The following MICU3 variants were observed in gnomAD, a reference collection of about 807,000 sequenced individuals.
The protein encoded by MICU3 is calcium uptake protein 3, mitochondrial.
In MICU3, 62 loss-of-function variants were observed where a neutral mutation model predicts 66.5. The observed-to-expected ratio is 0.93, with a 90% CI of 0.76 to 1.15. The LOEUF (loss-of-function observed/expected upper bound fraction) is 1.15, where lower values mean the gene tolerates loss of function less well. MICU3 is among the 50% of genes most tolerant of loss of function. The pLI is 0.00. For missense variants in MICU3, 779 were observed against 664.4 expected (o/e 1.17, Z -1.90); for synonymous variants, 308 against 240.7 (o/e 1.28, Z -2.59).
the MICU3 span, chr8:17,132,839 T>A: frequency 6.6e-6 from 1 of 152,190 alleles, no homozygotes; most frequent in Non-Finnish European, 1.5e-5. Flanking sequence ...TATGTTGAAA[T>A]CTAATCACAA....
chr8:17,114,040 T>TAG, intron 11 of MICU3, 53 bp from the exon 12 acceptor site: 1 of 1,180,006 alleles, frequency 8.5e-7, no homozygotes, highest in Non-Finnish European at 1.2e-6. Flanking sequence ...TAGATCCTGA[T>TAG]TTTAATAAAT....
chr8:17,116,682 A>G (rs1010721322), intron 13 of MICU3, 82 bp downstream of exon 13: 3 of 1,052,596 alleles, frequency 2.9e-6, no homozygotes, highest in African/African-American at 1.7e-5. Flanking sequence ...GAAATAATTT[A>G]TCTTAATTTC....
At chr8:17,097,979 A>T (rs1800893987) in intron 8 of MICU3, among the ~76,000 whole-genome samples, 1 of 151,770 alleles carries the variant, frequency 6.6e-6, no homozygotes, top group African/African-American at 2.4e-5. Flanking sequence ...TTTGGGATGA[A>T]TTTAAACTTT....
chr8:17,067,636 A>C (rs1245085401), intron 2 of MICU3, among the ~76,000 whole-genome samples: 1 of 151,914 alleles, frequency 6.6e-6, no homozygotes, highest in Non-Finnish European at 1.5e-5. Flanking sequence ...ACCATGGTTT[A>C]ACCATATTGG....
At chr8:17,103,708 A>C (rs1447381078) in intron 9 of MICU3, among the ~76,000 whole-genome samples, 1 of 151,872 alleles carries the variant, frequency 6.6e-6, no homozygotes. Flanking sequence ...TTAAGAAAAT[A>C]CTTAGAACTT....
chr8:17,070,867 T>C (rs972130793), intron 3 of MICU3, among the ~76,000 whole-genome samples: 4 of 152,078 alleles, frequency 2.6e-5, no homozygotes, highest in Non-Finnish European at 5.9e-5. Context: ...ATATGTACTA[T>C]GTTTTTTCAG....
intron 5 of MICU3, among the ~76,000 whole-genome samples, chr8:17,085,012 T>G (rs1799318392): frequency 6.6e-6 from 1 of 152,088 alleles, no homozygotes; most frequent in African/African-American, 2.4e-5. Flanking sequence ...GTATTCAAAT[T>G]TTTCTCTCAG....
At position 17,118,574 on chromosome 8, in the gene MICU3, C is replaced by G. The variant is rs187155108; in HGVS notation, c.1525-133C>G. On this transcript the variant is annotated intron_variant, in intron 13 of 14. Coordinates refer to ENST00000318063, the MANE Select transcript of MICU3 (RefSeq NM_181723.3). ...CCCCCTTTCCTCCCCAGTCCCCCAG[C>G]CTTCCAGCCTCTGGTAATTAACATT... 3.4e-5 allele frequency: 17 copies of G among 503,084 alleles called. No homozygotes were observed. The Admixed American group carries it at 4.6e-4, about 14-fold the overall frequency. The allele number at this position is 503,084 out of a possible 1,614,324, so 31.2% of individuals were successfully genotyped here. A position where few individuals can be genotyped will look rare whatever the true frequency, so the allele number is the denominator to read the frequency against.
chr8:17,100,999 A>G (rs1801208061), intron 9 of MICU3, among the ~76,000 whole-genome samples: 1 of 151,840 alleles, frequency 6.6e-6, no homozygotes, highest in Non-Finnish European at 1.5e-5. Flanking sequence ...TCATTAACAA[A>G]ATCAAAAGTT....
chr8:17,046,044 T>C (rs545734720), intron 1 of MICU3, among the ~76,000 whole-genome samples: 1 of 152,324 alleles, frequency 6.6e-6, no homozygotes, highest in East Asian at 1.9e-4. Flanking sequence ...GTGTCCTTTA[T>C]AATAAGCCGA....
intron 4 of MICU3, among the ~76,000 whole-genome samples, chr8:17,081,319 C>G (rs1373028637): frequency 6.6e-6 from 1 of 152,058 alleles, no homozygotes; most frequent in East Asian, 1.9e-4. Flanking sequence ...TTAACTATTT[C>G]CAACCTTTTT....
chr8:17,128,175 T>C, the MICU3 span, among the ~76,000 whole-genome samples: 5 of 151,496 alleles, frequency 3.3e-5, no homozygotes, highest in Non-Finnish European at 5.9e-5. Context: ...GAATGGGCCC[T>C]CCTCTTCTGA....
chr8:17,057,388 C>T (rs1263042165), intron 1 of MICU3, among the ~76,000 whole-genome samples: 1 of 152,196 alleles, frequency 6.6e-6, no homozygotes, highest in East Asian at 1.9e-4. Context: ...TGATCTCTGG[C>T]CTGAGAGTAT....
chr8:17,074,725 A>C lies in MICU3; in HGVS notation c.568-3058A>C, dbSNP rs569323012. Among the ~76,000 whole-genome samples, 5 of 151,688 alleles carry C rather than the reference A, an allele frequency of 3.3e-5. No individual in the cohort carries two copies. The South Asian group carries it at 1.0e-3, about 31-fold the overall frequency. On this transcript the variant is annotated intron_variant, in intron 3 of 14. Coordinates refer to ENST00000318063, the MANE Select transcript of MICU3 (RefSeq NM_181723.3). ...CAATTAGTTTTTATTTTCTGTACTT[A>C]CTAATTTTTCTATAATATATATCTA...
At chr8:17,112,816 G>T (rs569709983) in intron 11 of MICU3, among the ~76,000 whole-genome samples, 1 of 152,160 alleles carries the variant, frequency 6.6e-6, no homozygotes, top group Non-Finnish European at 1.5e-5. Context: ...ATGGCAGCAG[G>T]TCGCAGCATA....
At chr8:17,118,829 T>G in intron 14 of MICU3, 54 bp downstream of exon 14, 1 of 1,055,474 alleles carries the variant, frequency 9.5e-7, no homozygotes, top group Non-Finnish European at 1.5e-6. Flanking sequence ...GGATCATAAT[T>G]TATTTTTCTG....
chr8:17,110,741 A>AG (rs200855745), intron 11 of MICU3, among the ~76,000 whole-genome samples: 16,905 of 147,954 alleles, frequency 0.11, 1,213 homozygotes, highest in East Asian at 0.38. Context: ...TTTTTTGGGG[A>AG]GGGGGGGGTA....
chr8:17,138,410 A>G, the MICU3 span, among the ~76,000 whole-genome samples: 3 of 152,166 alleles, frequency 2.0e-5, no homozygotes, highest in Non-Finnish European at 4.4e-5. Flanking sequence ...AGGGTGGTGG[A>G]CCACGAGGAA....
chr8:17,118,546 C>G (rs1460431602), intron 13 of MICU3, among the ~76,000 whole-genome samples, 161 bp from the exon 14 acceptor site: 1 of 152,098 alleles, frequency 6.6e-6, no homozygotes, highest in African/African-American at 2.4e-5. Flanking sequence ...CTTTGGTCAC[C>G]TTCCCCCTTT....
Sources: gnomAD v4.1 joint callset for allele counts (sites outside exome capture counted in the v4.1 genomes callset) on GRCh38, gnomAD v4.1.1 for gene constraint, MANE v1.5 for transcripts, NCBI Gene and HGNC (gene_info 2026-07-23, HGNC 2026-07-21) for gene names.